AUTS2: variants seen among roughly 807,000 people sequenced by gnomAD.
The protein encoded by AUTS2 is activator of transcription and developmental regulator AUTS2.
Under a neutral mutation model 112.4 loss-of-function variants are expected in AUTS2, and 17 were observed. The observed-to-expected ratio is 0.15, with a 90% CI of 0.10 to 0.23. The LOEUF is 0.23. Among genes scored for constraint, AUTS2 ranks in the 10% least tolerant of loss-of-function variants. The pLI is 1.00. For synonymous variants in AUTS2, 751 were observed against 702.7 expected, an observed-to-expected ratio of 1.07 and a Z score of -1.09; for missense variants, 1,510 against 1,701.6, an observed-to-expected ratio of 0.89 and a Z score of 1.98.
rs540774177 is a variant in AUTS2 at position 70,165,731 on chromosome 7, G to A, written c.660+31160G>A. 2.6e-5 allele frequency among the ~76,000 whole-genome samples: 4 copies of A among 152,252 alleles called. No homozygotes were observed. In the South Asian group the frequency reaches 8.3e-4, roughly 32 times the overall value. On this transcript the variant is annotated intron_variant, in intron 4 of 18. Coordinates refer to ENST00000342771, the MANE Select transcript of AUTS2 (RefSeq NM_015570.4). ...GAAAGAACATTTTGTTCTACACAAA[G>A]GAATGATGGACACCAGAAATATAAA...
At chr7:70,303,432 G>GCACACA (rs762636923) in intron 4 of AUTS2, among the ~76,000 whole-genome samples, 61 of 103,160 alleles carry the variant, frequency 5.9e-4, no homozygotes, top group African/African-American at 1.7e-3. Context: ...ACGCGCGCGC[G>GCACACA]CGCACATACA....
chr7:70,790,667 G>A lies in AUTS2; in HGVS notation c.3451G>A (p.Glu1151Lys), dbSNP rs1392559268. The change falls in exon 19 of 19, where the codon GAG becomes AAG. Residue 1151 changes from glutamate (E) to lysine (K), a missense_variant. Glu to Lys is a moderately conservative substitution (Grantham distance 56, BLOSUM62 1). Coordinates refer to ENST00000342771, the MANE Select transcript of AUTS2 (RefSeq NM_015570.4). The surrounding 1 kb of genome is among the most constrained non-coding windows in gnomAD (Gnocchi z 7.6). ...REHERGGHLD[E>K]RERLHMLRED... ...GCACGAGCGGGGAGGCCACCTGGAC[G>A]AGCGGGAGCGCTTGCACATGCTCAG... 3.1e-6 allele frequency: 5 copies of A among 1,613,454 alleles called. No individual in the cohort carries two copies. The highest frequency in any genetic ancestry group is 4.2e-6 in the Non-Finnish European group (5 of 1,179,886).
chr7:69,984,364 G>T (rs772014244), intron 2 of AUTS2, among the ~76,000 whole-genome samples: 10 of 139,338 alleles, frequency 7.2e-5, no homozygotes, highest in Admixed American at 4.6e-4. Context: ...CCAAGATCAC[G>T]CCACTGCACT....
intron 6 of AUTS2, among the ~76,000 whole-genome samples, chr7:70,739,320 C>G (rs1371597509): frequency 6.6e-6 from 1 of 150,980 alleles, no homozygotes; most frequent in African/African-American, 2.4e-5. Context: ...CAATACCACA[C>G]CCCACTAATG....
At chr7:70,599,207 A>C (rs1803353149) in intron 5 of AUTS2, among the ~76,000 whole-genome samples, 1 of 152,208 alleles carries the variant, frequency 6.6e-6, no homozygotes, top group Non-Finnish European at 1.5e-5. Flanking sequence ...ATAAAAAAGA[A>C]ACTCAGGTTG....
rs777176481 is a variant in AUTS2, at chr7:70,061,781, C to CT, written c.523-56337dup. Among the ~76,000 whole-genome samples the CT allele has an allele frequency of 3.7e-3, 513 of 140,336 alleles. 2 individuals carry two copies. The highest frequency in any genetic ancestry group is 0.013 in the East Asian group (65 of 4,838). 92.1% of individuals were successfully genotyped at this position (140,336 alleles called of 152,430 possible). On this transcript the variant is annotated intron_variant, in intron 2 of 18. Transcript: ENST00000342771. ...GGGTGGAATTTAAGGGTTATTTCTT[C>CT]TTTTTTTTTTTTTTGCTCCCCCGGA...
At chr7:70,556,601 C>T (rs1237151304) in intron 5 of AUTS2, among the ~76,000 whole-genome samples, 2 of 152,178 alleles carry the variant, frequency 1.3e-5, no homozygotes, top group African/African-American at 2.4e-5. Context: ...TTACCCACCC[C>T]TTGAGATACT....
chr7:70,530,267 G>A (rs975079069), intron 5 of AUTS2, among the ~76,000 whole-genome samples: 3 of 152,178 alleles, frequency 2.0e-5, no homozygotes, highest in African/African-American at 2.4e-5. Flanking sequence ...TTGTATCAAA[G>A]AGGCTTATGA....
chr7:70,010,222 T>A (rs913327686), intron 2 of AUTS2, among the ~76,000 whole-genome samples: 1 of 152,166 alleles, frequency 6.6e-6, no homozygotes, highest in Non-Finnish European at 1.5e-5. Flanking sequence ...CACAGCTCAC[T>A]GCAGCCCTGA....
rs1322457393 is a variant in AUTS2, at chr7:69,700,800, T to A, written c.309+100838T>A. Among the ~76,000 whole-genome samples, 4 of 152,310 alleles carry A rather than the reference T, an allele frequency of 2.6e-5. No individual in the cohort carries two copies. In the East Asian group the frequency reaches 5.8e-4, roughly 22 times the overall value. On this transcript the variant is annotated intron_variant, in intron 1 of 18. Coordinates refer to ENST00000342771, the MANE Select transcript of AUTS2 (RefSeq NM_015570.4). ...GACCAAGTTTCGAGCACATTAAATA[T>A]TTGGTGGTTTTGCGTCCTCTCTGCC...
Position 70,789,941 on chromosome 7 carries a change from C to G in AUTS2, c.2725C>G (p.His909Asp). 1 of 1,613,958 alleles carries G rather than the reference C, an allele frequency of 6.2e-7. No individual in the cohort carries two copies. Among genetic ancestry groups the G allele is most frequent in the East Asian group, 2.2e-5 (1 of 44,840 alleles). The change falls in exon 19 of 19, where the codon CAC (histidine) becomes GAC (aspartate). Residue 909 changes from histidine (H) to aspartate (D), a missense_variant. Transcript: ENST00000342771. The stretch of plus-strand genomic sequence containing the variant: ...CCGCAAGGACCTGGCCGCCGACGAG[C>G]ACAAGGCGAAAGAGGGCCACCTGCC... The part of the protein sequence containing the change: ...ESRKDLAADE[H>D]KAKEGHLPEK...
At chr7:70,403,225 A>G (rs533331441) in intron 4 of AUTS2, among the ~76,000 whole-genome samples, 43 of 152,212 alleles carry the variant, frequency 2.8e-4, no homozygotes, top group Non-Finnish European at 5.7e-4. Context: ...AATGAATAAA[A>G]GACAACAGGA....
intron 1 of AUTS2, among the ~76,000 whole-genome samples, chr7:69,604,082 A>G (rs533812527): frequency 6.6e-5 from 10 of 152,320 alleles, no homozygotes; most frequent in African/African-American, 9.6e-5. Flanking sequence ...AAAGAGGCCA[A>G]TTGGAGCTTT....
intron 5 of AUTS2, among the ~76,000 whole-genome samples, chr7:70,576,069 G>A (rs1294377341): frequency 6.6e-6 from 1 of 152,134 alleles, no homozygotes; most frequent in African/African-American, 2.4e-5. Context: ...GTTGTGTCTT[G>A]GAATCCATTT....
chr7:70,410,271 C>T (rs1562941376), intron 4 of AUTS2, among the ~76,000 whole-genome samples: 1 of 152,174 alleles, frequency 6.6e-6, no homozygotes, highest in Non-Finnish European at 1.5e-5. Flanking sequence ...CTTCCTATTA[C>T]TGCTCTACCT....
At position 70,754,414 on chromosome 7, in the gene AUTS2, G is replaced by A. The variant is rs116294035; in HGVS notation, c.743-8456G>A. 3.8e-3 allele frequency among the ~76,000 whole-genome samples: 571 copies of A among 152,050 alleles called. 8 individuals carry two copies. Among genetic ancestry groups the A allele is most frequent in the African/African-American group, 0.012 (491 of 41,486 alleles). ...TAAGGTGGGAGGATCATTTGAGTCCGGGGAGTCAAGGCTGCAGTCTGCTGT... is the reference window on the plus strand; with the variant it reads ...TAAGGTGGGAGGATCATTTGAGTCCAGGGAGTCAAGGCTGCAGTCTGCTGT... On this transcript the variant is annotated intron_variant, in intron 6 of 18. Transcript: ENST00000342771.
intron 5 of AUTS2, among the ~76,000 whole-genome samples, chr7:70,511,996 A>G (rs1301105665): frequency 6.6e-6 from 1 of 152,258 alleles, no homozygotes; most frequent in Non-Finnish European, 1.5e-5. Flanking sequence ...ATAAATGACA[A>G]AGTAAATACA....
In AUTS2 at chr7:69,623,381, A is replaced by ATTTTT. The variant is rs56204810; in HGVS notation, c.309+23440_309+23444dup. On this transcript the variant is annotated intron_variant, in intron 1 of 18. Transcript: ENST00000342771. Reference sequence around the variant, plus strand: ...GGGACTACCACCACCACGCCCAGCAATTTTTTTTTTTTTTTTTTTTTTTTT... The same window carrying ATTTTT: ...GGGACTACCACCACCACGCCCAGCAATTTTTTTTTTTTTTTTTTTTTTTTTTTTTT... 6.7e-3 allele frequency among the ~76,000 whole-genome samples: 484 copies of ATTTTT among 71,866 alleles called. 21 individuals carry two copies. The highest frequency in any genetic ancestry group is 0.014 in the South Asian group (21 of 1,536). The allele number at this position is 71,866 out of a possible 152,430, so 47.1% of individuals were successfully genotyped here.
intron 1 of AUTS2, among the ~76,000 whole-genome samples, chr7:69,728,956 G>GA (rs1227180076): frequency 1.3e-5 from 2 of 152,214 alleles, no homozygotes; most frequent in East Asian, 3.9e-4. Context: ...AAACAGCATG[G>GA]AAAATCCTTT....
Sources: gnomAD v4.1 joint callset for allele counts (sites outside exome capture counted in the v4.1 genomes callset) on GRCh38, gnomAD v4.1.1 for gene constraint, Gnocchi (gnomAD v3.1) non-coding constraint, MANE v1.5 for transcripts, NCBI Gene and HGNC (gene_info 2026-07-23, HGNC 2026-07-21) for gene names.